The following NEK1 variants were observed in gnomAD, a reference collection of about 807,000 sequenced individuals.
NEK1 encodes serine/threonine-protein kinase Nek1.
A neutral mutation model predicts 182.1 loss-of-function variants in NEK1; 137 were observed. The observed-to-expected ratio is 0.75, with a 90% CI of 0.65 to 0.87. The LOEUF is 0.87. Ranked by LOEUF, NEK1 falls within the 40% of genes least tolerant of loss-of-function variation. The pLI, the probability that NEK1 is intolerant of heterozygous loss-of-function variation, is 0.00. For missense variants in NEK1, 1,391 were observed against 1,494.4 expected (o/e 0.93, Z 1.14); for synonymous variants, 513 against 492.2 (o/e 1.04, Z -0.56).
At chr4:169,505,751 C>G (rs548870671) in intron 23 of NEK1, among the ~76,000 whole-genome samples, 27 of 151,970 alleles carry the variant, frequency 1.8e-4, no homozygotes, top group African/African-American at 6.5e-4. Flanking sequence ...AGGCTAAAAC[C>G]CAGAAAATTA....
chr4:169,509,613 A>T (rs554051994), intron 19 of NEK1, among the ~76,000 whole-genome samples: 19 of 152,072 alleles, frequency 1.2e-4, no homozygotes, highest in Non-Finnish European at 2.4e-4. Context: ...TTCTAAGGTC[A>T]CCAATGACTT....
At chr4:169,441,945 C>T (rs1248853577) in intron 27 of NEK1, among the ~76,000 whole-genome samples, 1 of 152,070 alleles carries the variant, frequency 6.6e-6, no homozygotes, top group Admixed American at 6.6e-5. Context: ...CCAAACATAC[C>T]TTCCAGAGGG....
chr4:169,443,967 G>A (rs1019686419), intron 27 of NEK1, among the ~76,000 whole-genome samples: 1 of 152,166 alleles, frequency 6.6e-6, no homozygotes, highest in African/African-American at 2.4e-5. Flanking sequence ...CTTCAAAAAT[G>A]AAGGAGAAAT....
chr4:169,400,745 A>T (rs1173975369), intron 33 of NEK1, 94 bp from the exon 34 acceptor site: 1 of 845,626 alleles, frequency 1.2e-6, no homozygotes, highest in Non-Finnish European at 1.7e-6. Flanking sequence ...GAATAATGCC[A>T]TTGAAATAGA....
chr4:169,556,588 T>C (rs1190981910), intron 16 of NEK1, among the ~76,000 whole-genome samples: 2 of 152,238 alleles, frequency 1.3e-5, no homozygotes, highest in East Asian at 1.9e-4. Flanking sequence ...TCTATATGTA[T>C]ATAAAAGAGG....
chr4:169,549,809 T>G (rs1458370295), intron 18 of NEK1, among the ~76,000 whole-genome samples: 1 of 152,130 alleles, frequency 6.6e-6, no homozygotes, highest in Non-Finnish European at 1.5e-5. Flanking sequence ...CACCTCCGCT[T>G]CCCAGGTTCA....
At position 169,555,718 on chromosome 4, in the gene NEK1, A is replaced by G; in HGVS notation, c.1562+2T>C. On this transcript the variant is annotated splice_donor_variant, in intron 18 of 35. Transcript: ENST00000507142. LOFTEE classifies it high-confidence loss of function. ...TGAATTCATGGATCATCACAGTCCAACCTGTTTGCATTGGCTTGTTTAGAC... is the reference window on the plus strand; with the variant it reads ...TGAATTCATGGATCATCACAGTCCAGCCTGTTTGCATTGGCTTGTTTAGAC... 6.2e-7 allele frequency: 1 copy of G among 1,613,770 alleles called. No homozygotes were observed. Among genetic ancestry groups the G allele is most frequent in the Non-Finnish European group, 8.5e-7 (1 of 1,179,730 alleles).
chr4:169,605,512 C>T (rs1048646626), intron 2 of NEK1, among the ~76,000 whole-genome samples: 1 of 152,132 alleles, frequency 6.6e-6, no homozygotes, highest in African/African-American at 2.4e-5. Flanking sequence ...CAGCATCTTA[C>T]AATATATTTA....
chr4:169,412,116 G>C (rs2111178911), intron 31 of NEK1, among the ~76,000 whole-genome samples: 1 of 152,164 alleles, frequency 6.6e-6, no homozygotes, highest in East Asian at 1.9e-4. Context: ...ATTTAGAGTG[G>C]TACCTGGCAC....
At position 169,508,336 on chromosome 4, in the gene NEK1, A is replaced by C. The variant is rs199522035; in HGVS notation, c.1750-5T>G. 2.6e-6 allele frequency: 4 copies of C among 1,558,438 alleles called. No homozygotes were observed. The South Asian group carries it at 3.6e-5, about 14-fold the overall frequency. ...CCTCAGTCTTGCCAGATAAACCTACAAGGAGGCAAAAACCCCAACATAATA... is the reference window on the plus strand; with the variant it reads ...CCTCAGTCTTGCCAGATAAACCTACCAGGAGGCAAAAACCCCAACATAATA... On this transcript the variant is annotated splice_region_variant and splice_polypyrimidine_tract_variant and intron_variant, in intron 20 of 35. Transcript: ENST00000507142.
intron 31 of NEK1, among the ~76,000 whole-genome samples, chr4:169,417,743 G>A (rs78138086): frequency 0.072 from 10,983 of 152,036 alleles, 1,275 homozygotes; most frequent in African/African-American, 0.25. Flanking sequence ...TAGAAAACTG[G>A]ACAAAATACA....
chr4:169,593,255 TCTCAA>T (rs1232909752), intron 5 of NEK1, among the ~76,000 whole-genome samples: 3 of 152,152 alleles, frequency 2.0e-5, no homozygotes, highest in Non-Finnish European at 2.9e-5. Flanking sequence ...ATGGTTTCTG[TCTCAA>T]CTCAAGTCTT....
chr4:169,428,555 C>G (rs561027571), intron 29 of NEK1, among the ~76,000 whole-genome samples: 1 of 150,192 alleles, frequency 6.7e-6, no homozygotes, highest in Non-Finnish European at 1.5e-5. Flanking sequence ...TTAGTGGCTG[C>G]CAGAGGTTGG....
At chr4:169,591,363 G>A (rs1316282439) in intron 5 of NEK1, among the ~76,000 whole-genome samples, 12 of 151,894 alleles carry the variant, frequency 7.9e-5, no homozygotes, top group Admixed American at 1.3e-4. Flanking sequence ...TGTTGCCCAG[G>A]CTAGTGGTCT....
intron 35 of NEK1, among the ~76,000 whole-genome samples, chr4:169,397,089 T>C (rs2110955721): frequency 6.6e-6 from 1 of 152,208 alleles, no homozygotes; most frequent in Admixed American, 6.5e-5. Context: ...TCAGGCATGG[T>C]AGCTCACGCC....
At chr4:169,462,015 C>T (rs11132805) in intron 27 of NEK1, among the ~76,000 whole-genome samples, 43,937 of 151,850 alleles carry the variant, frequency 0.29, 8,967 homozygotes, top group African/African-American at 0.59. Flanking sequence ...AATTTTTATG[C>T]GGTTTAAGTA....
chr4:169,474,058 T>C (rs1746505974), intron 26 of NEK1, among the ~76,000 whole-genome samples: 1 of 151,322 alleles, frequency 6.6e-6, no homozygotes, highest in Non-Finnish European at 1.5e-5. Flanking sequence ...AATGGGGTGA[T>C]AGCTAAAGAA....
At chr4:169,548,980 T>C (rs1760985729) in intron 18 of NEK1, among the ~76,000 whole-genome samples, 1 of 152,118 alleles carries the variant, frequency 6.6e-6, no homozygotes, top group Admixed American at 6.5e-5. Context: ...GAGTGAACAG[T>C]TATGTCTCAC....
intron 19 of NEK1, among the ~76,000 whole-genome samples, chr4:169,525,052 G>C (rs1756686236): frequency 1.3e-5 from 2 of 151,720 alleles, no homozygotes; most frequent in Non-Finnish European, 2.9e-5. Flanking sequence ...CAATCTTCTG[G>C]GTATATTATT....
Sources: gnomAD v4.1 joint callset for allele counts (sites outside exome capture counted in the v4.1 genomes callset) on GRCh38, gnomAD v4.1.1 for gene constraint, MANE v1.5 for transcripts, NCBI Gene and HGNC (gene_info 2026-07-23, HGNC 2026-07-21) for gene names.